SLC2A9: variants seen among roughly 807,000 people sequenced by gnomAD.
SLC2A9 encodes solute carrier family 2 member 9.
Under a neutral mutation model 50.6 loss-of-function variants are expected in SLC2A9, and 39 were observed. That is an observed-to-expected ratio of 0.77 (90% CI 0.60 to 1.01). The LOEUF is 1.01. Among genes scored for constraint, SLC2A9 ranks in the 50% least tolerant of loss-of-function variants. The probability of loss-of-function intolerance (pLI) is 0.00; values close to 1 mark genes in which losing one functional copy is unlikely to be tolerated. For missense variants in SLC2A9, 686 were observed against 677.6 expected (o/e 1.01, Z -0.14); for synonymous variants, 324 against 276.9 (o/e 1.17, Z -1.69).
At chr4:9,935,934 T>G (rs1238399875) in intron 6 of SLC2A9, among the ~76,000 whole-genome samples, 1 of 152,198 alleles carries the variant, frequency 6.6e-6, no homozygotes, top group Non-Finnish European at 1.5e-5. Context: ...AAGGGATTTT[T>G]GGGAGCTGTT....
intron 3 of SLC2A9, chr4:9,792,655 C>T (rs1014554266): frequency 1.3e-5 from 2 of 152,216 alleles, no homozygotes; most frequent in African/African-American, 4.8e-5. Context: ...ACACACACTC[C>T]ACAGGCACAC....
intron 1 of SLC2A9, among the ~76,000 whole-genome samples, chr4:9,774,603 A>G (rs1052058199): frequency 6.6e-6 from 1 of 152,048 alleles, no homozygotes; most frequent in Non-Finnish European, 1.5e-5. Flanking sequence ...CTGAAACTCC[A>G]CTTAGACATG....
intron 3 of SLC2A9, among the ~76,000 whole-genome samples, chr4:9,992,389 G>A (rs1003549658): frequency 2.0e-5 from 3 of 152,204 alleles, no homozygotes; most frequent in Non-Finnish European, 2.9e-5. Context: ...GGGTTGTCCC[G>A]TGCATTGTAG....
intron 5 of SLC2A9, among the ~76,000 whole-genome samples, chr4:9,968,928 A>G (rs1290016969): frequency 6.6e-6 from 1 of 152,170 alleles, no homozygotes; most frequent in Non-Finnish European, 1.5e-5. Flanking sequence ...TTTAAGATCT[A>G]TAATTATCAC....
intron 2 of SLC2A9, among the ~76,000 whole-genome samples, chr4:10,012,745 C>A (rs1026042761): frequency 6.6e-6 from 1 of 152,012 alleles, no homozygotes; most frequent in African/African-American, 2.4e-5. Flanking sequence ...CTCTGAGGTT[C>A]CAGCGTGCGG....
At chr4:9,781,949 G>C in intron 3 of SLC2A9, 2 of 1,238,506 alleles carry the variant, frequency 1.6e-6, no homozygotes, top group South Asian at 3.6e-5. Flanking sequence ...GCGCATCCTC[G>C]GGGTGCCCGA....
downstream of SLC2A9, among the ~76,000 whole-genome samples, chr4:9,779,315 C>CT (rs922291630): frequency 1.1e-4 from 16 of 152,282 alleles, no homozygotes; most frequent in African/African-American, 3.6e-4. Context: ...CTGCTGTACA[C>CT]TTAGATAAGG....
At chr4:9,957,136 G>C (rs1159243105) in intron 5 of SLC2A9, among the ~76,000 whole-genome samples, 3 of 151,856 alleles carry the variant, frequency 2.0e-5, no homozygotes, top group Non-Finnish European at 4.4e-5. Context: ...CAGAAGATGG[G>C]GTTCATTCTC....
downstream of SLC2A9, chr4:9,799,005 C>T (rs1720958356): frequency 6.6e-6 from 1 of 152,258 alleles, no homozygotes; most frequent in African/African-American, 2.4e-5. Context: ...TTCCATCACT[C>T]CACATTGCCT....
chr4:9,840,083 C>G (rs544938394), intron 10 of SLC2A9, among the ~76,000 whole-genome samples: 3 of 152,192 alleles, frequency 2.0e-5, no homozygotes, highest in East Asian at 1.9e-4. Context: ...GAAACTTAGG[C>G]TTGTGGAAGG....
chr4:10,018,981 G>T lies in SLC2A9; in HGVS notation c.243C>A (p.Pro81=), dbSNP rs76987454. The T allele has an allele frequency of 3.2e-6, 5 of 1,549,696 alleles. No individual in the cohort carries two copies. The highest frequency in any genetic ancestry group is 2.0e-5 in the Admixed American group (1 of 50,984). ...YGYNLSVVNA[P]TPYIKAFYNE... ...GGCCTTGGCGCGCACTCACCGGGGTGGGGGCATTCACCACCGACAGGTTGT... is the reference window on the plus strand; with the variant it reads ...GGCCTTGGCGCGCACTCACCGGGGTTGGGGCATTCACCACCGACAGGTTGT... Residue 81 remains proline (P), a synonymous_variant, in exon 2 of 12, where the codon CCC becomes CCA. Coordinates refer to ENST00000264784, the MANE Select transcript of SLC2A9 (RefSeq NM_020041.3).
intron 2 of SLC2A9, among the ~76,000 whole-genome samples, chr4:9,997,869 G>A (rs1454469760): frequency 6.6e-6 from 1 of 152,012 alleles, no homozygotes; most frequent in Non-Finnish European, 1.5e-5. Context: ...ACAACCCATA[G>A]ACTGAGATAA....
At chr4:9,952,232 T>C (rs1490784993) in intron 5 of SLC2A9, among the ~76,000 whole-genome samples, 1 of 152,226 alleles carries the variant, frequency 6.6e-6, no homozygotes, top group Non-Finnish European at 1.5e-5. Flanking sequence ...CCAAATATCA[T>C]GTTGAATTAT....
At chr4:9,995,312 T>C (rs1221895774) in intron 3 of SLC2A9, among the ~76,000 whole-genome samples, 1 of 152,180 alleles carries the variant, frequency 6.6e-6, no homozygotes, top group Non-Finnish European at 1.5e-5. Flanking sequence ...AAAGTGGGCT[T>C]GGGGACAAGG....
chr4:9,947,018 A>G (rs1431819964), intron 5 of SLC2A9, among the ~76,000 whole-genome samples: 1 of 152,176 alleles, frequency 6.6e-6, no homozygotes. Context: ...AGAAGCCTGC[A>G]GTGGAAAGAG....
chr4:10,013,003 C>A (rs554719081), intron 2 of SLC2A9, among the ~76,000 whole-genome samples: 16 of 152,120 alleles, frequency 1.1e-4, no homozygotes, highest in Admixed American at 9.8e-4. Context: ...ACTGTAGGAA[C>A]CAGAGTGGAA....
intron 10 of SLC2A9, among the ~76,000 whole-genome samples, chr4:9,837,498 C>G (rs1727287738): frequency 6.6e-6 from 1 of 152,152 alleles, no homozygotes. Context: ...TTTGGAAGCA[C>G]CTGTGGATAA....
At chr4:10,025,884 A>C, upstream of SLC2A9, 1 of 1,589,364 alleles carries the variant, frequency 6.3e-7, no homozygotes, top group Non-Finnish European at 8.5e-7. Context: ...TAAGGGAGAC[A>C]GAAAAAAAAA....
At chr4:9,874,719 C>T (rs1577643951) in intron 10 of SLC2A9, among the ~76,000 whole-genome samples, 1 of 152,232 alleles carries the variant, frequency 6.6e-6, no homozygotes, top group Non-Finnish European at 1.5e-5. Flanking sequence ...GACCTCACAT[C>T]CCCACATCGG....
Sources: allele counts gnomAD v4.1 joint callset (sites outside exome capture counted in the v4.1 genomes callset), GRCh38; gene constraint gnomAD v4.1.1; transcripts MANE v1.5; gene names NCBI Gene and HGNC (gene_info 2026-07-23, HGNC 2026-07-21).